LARP4: variants seen among roughly 807,000 people sequenced by gnomAD.
LARP4 encodes La ribonucleoprotein 4, also known as la-related protein 4.
A neutral mutation model predicts 92.9 loss-of-function variants in LARP4; 29 were observed. That is an observed-to-expected ratio of 0.31 (90% confidence interval 0.23 to 0.43). The LOEUF (loss-of-function observed/expected upper bound fraction) is 0.43, where lower values mean the gene tolerates loss of function less well. Ranked by LOEUF, LARP4 falls within the 20% of genes least tolerant of loss-of-function variation. The pLI is 1.00. For synonymous variants in LARP4, 279 were observed against 284.1 expected (o/e 0.98, Z 0.18); for missense variants, 732 against 860.0 (o/e 0.85, Z 1.86).
chr12:50,464,735 C>T (rs942600246), intron 12 of LARP4, among the ~76,000 whole-genome samples: 44 of 150,998 alleles, frequency 2.9e-4, no homozygotes, highest in African/African-American at 1.0e-3. Flanking sequence ...TTGTTGTCCA[C>T]GTTGGAGTGC....
rs189386792 is a variant in LARP4, at chr12:50,400,987, C to G, written c.-24C>G. Reference sequence around the variant, plus strand: ...CCAGTTGGAGTTGCGGCGGCGGGAACGATTGGGCTGAGCAGAGGACGACAT... The same window carrying G: ...CCAGTTGGAGTTGCGGCGGCGGGAAGGATTGGGCTGAGCAGAGGACGACAT... On this transcript the variant is annotated 5_prime_UTR_variant, in exon 1 of 16. Transcript: ENST00000398473. The G allele has an allele frequency of 6.8e-6, 11 of 1,614,036 alleles. No homozygotes were observed. In the African/African-American group the frequency reaches 1.2e-4, roughly 18 times the overall value.
At chr12:50,415,695 T>A (rs1946646795) in intron 1 of LARP4, 1 of 145,328 alleles carries the variant, frequency 6.9e-6, no homozygotes, top group African/African-American at 2.5e-5. Flanking sequence ...TTCTTTTTTT[T>A]GTTTTTTTTT....
chr12:50,426,707 GTGTGTGTGTGTGTGTGTGTGTGTGGT>G (rs1565986635), intron 1 of LARP4, among the ~76,000 whole-genome samples: 1 of 138,992 alleles, frequency 7.2e-6, no homozygotes, highest in Non-Finnish European at 1.5e-5. Flanking sequence ...GTGTGTGTGT[GTGTGTGTGTGTGTGTGTGTGTGTGGT>G]TTTTTTTTTT....
At chr12:50,413,222 C>CA (rs59345865) in intron 1 of LARP4, among the ~76,000 whole-genome samples, 2,285 of 138,988 alleles carry the variant, frequency 0.016, 69 homozygotes, top group African/African-American at 0.059. Flanking sequence ...GACTGTGTCT[C>CA]AAAAAAAAAA....
chr12:50,401,176 G>T (rs1943746549), intron 1 of LARP4, 148 bp downstream of exon 1: 1 of 837,506 alleles, frequency 1.2e-6, no homozygotes. Context: ...GAGCAGGCCT[G>T]CAGCTTCCCT....
In LARP4 at chr12:50,428,944, A is replaced by G; in HGVS notation, c.176A>G (p.Glu59Gly). ...TCTGTCTTTAATACAGGTAATGCAG[A>G]GCTCTCAGAAGATATATGTAAAGAA... ...TSGAHPEGNA[E>G]LSEDICKEYE... Residue 59 changes from glutamate (E) to glycine (G), a missense_variant, in exon 3 of 16, where the codon GAG becomes GGG. By Grantham distance (98) the Glu-to-Gly change is moderately conservative. This residue lies in a region of LARP4 where 236 missense variants were observed against 307.6 expected (regional missense o/e 0.77). Coordinates refer to ENST00000398473, the MANE Select transcript of LARP4 (RefSeq NM_052879.5). The G allele has an allele frequency of 1.3e-6, 2 of 1,589,550 alleles. No homozygotes were observed. The highest frequency in any genetic ancestry group is 1.7e-6 in the Non-Finnish European group (2 of 1,167,918).
At chr12:50,431,297 G>T (rs1225530673) in intron 4 of LARP4, among the ~76,000 whole-genome samples, 3 of 151,966 alleles carry the variant, frequency 2.0e-5, no homozygotes, top group East Asian at 3.9e-4. Flanking sequence ...TCTCCAGTCT[G>T]ATATGCAGAG....
In LARP4 at chr12:50,457,944, T is replaced by A. The variant is rs1954624031; in HGVS notation, c.1122-3191T>A. Among the ~76,000 whole-genome samples, 5 of 151,940 alleles carry A rather than the reference T, an allele frequency of 3.3e-5. No homozygotes were observed. In the South Asian group the frequency reaches 8.3e-4, roughly 25 times the overall value. ...GTGAAACTCAACCCAACTTTTTTTT[T>A]TTTTTTTAAGACAGTGTTTTGCCCT... On this transcript the variant is annotated intron_variant, in intron 10 of 15. Coordinates refer to ENST00000398473, the MANE Select transcript of LARP4 (RefSeq NM_052879.5).
rs140500299 is a variant in LARP4 at position 50,425,604 on chromosome 12, G to A, written c.19-2158G>A. Among the ~76,000 whole-genome samples the A allele has an allele frequency of 6.2e-4, 95 of 152,186 alleles. 4 individuals carry two copies. The East Asian group carries it at 0.018, about 28-fold the overall frequency. On this transcript the variant is annotated intron_variant, in intron 1 of 15. Transcript: ENST00000398473. ...AGAGCTTGAGTTTATCACCCTTAGG[G>A]GTGGTCTTCAGCATCTTCATCATCT...
intron 5 of LARP4, among the ~76,000 whole-genome samples, chr12:50,436,643 C>CT (rs1950504999): frequency 6.6e-6 from 1 of 152,138 alleles, no homozygotes; most frequent in South Asian, 2.1e-4. Context: ...TTGATTGAAG[C>CT]TTTAAGAATT....
At chr12:50,423,606 G>C (rs559218822) in intron 1 of LARP4, among the ~76,000 whole-genome samples, 2 of 151,110 alleles carry the variant, frequency 1.3e-5, no homozygotes, top group African/African-American at 4.9e-5. Context: ...AGGCCACCAC[G>C]CCCGGCTAAT....
At chr12:50,453,286 G>GT (rs1054626529) in intron 8 of LARP4, among the ~76,000 whole-genome samples, 174 bp from the exon 9 acceptor site, 1 of 151,638 alleles carries the variant, frequency 6.6e-6, no homozygotes, top group African/African-American at 2.4e-5. Context: ...CCATGAAAAC[G>GT]TTTTTATTAT....
rs545150019 is a variant in LARP4 at position 50,451,078 on chromosome 12, A to G, written c.805-2382A>G. Among the ~76,000 whole-genome samples, 20 of 152,302 alleles carry G rather than the reference A, an allele frequency of 1.3e-4. No homozygotes were observed. In the East Asian group the frequency reaches 3.7e-3, roughly 28 times the overall value. On this transcript the variant is annotated intron_variant, in intron 8 of 15. Coordinates refer to ENST00000398473, the MANE Select transcript of LARP4 (RefSeq NM_052879.5). Reference sequence around the variant, plus strand: ...CTAGTTGGCAAATCAAATTGTATACATGCCTTTTTGGTATTGCAAACATTT... The same window carrying G: ...CTAGTTGGCAAATCAAATTGTATACGTGCCTTTTTGGTATTGCAAACATTT...
chr12:50,403,649 T>C (rs1476076776), intron 1 of LARP4, among the ~76,000 whole-genome samples: 3 of 152,190 alleles, frequency 2.0e-5, no homozygotes, highest in African/African-American at 7.2e-5. Context: ...CTAAACCAAC[T>C]TGCTTGTGGA....
At chr12:50,425,943 A>T (rs1948638204) in intron 1 of LARP4, among the ~76,000 whole-genome samples, 1 of 152,126 alleles carries the variant, frequency 6.6e-6, no homozygotes, top group Non-Finnish European at 1.5e-5. Context: ...GGTTACAAAT[A>T]GAGGCTTCTT....
At chr12:50,451,611 G>A (rs763115606) in intron 8 of LARP4, among the ~76,000 whole-genome samples, 1 of 152,306 alleles carries the variant, frequency 6.6e-6, no homozygotes, top group Admixed American at 6.5e-5. Flanking sequence ...GAGGCGGGTG[G>A]ATTGCCTGAG....
intron 13 of LARP4, among the ~76,000 whole-genome samples, chr12:50,469,924 GA>G (rs1170635294): frequency 1.3e-5 from 1 of 77,612 alleles, no homozygotes; most frequent in Admixed American, 1.3e-4. Flanking sequence ...AACAGAAAAA[GA>G]AAAAAAATAA....
chr12:50,439,173 A>G (rs528431388), intron 6 of LARP4, among the ~76,000 whole-genome samples: 1 of 152,140 alleles, frequency 6.6e-6, no homozygotes, highest in African/African-American at 2.4e-5. Context: ...CTCTGCGCTC[A>G]AGCAATCTGT....
intron 1 of LARP4, among the ~76,000 whole-genome samples, chr12:50,426,725 GTGTGTGGTT>G (rs1948818594): frequency 1.5e-4 from 17 of 115,448 alleles, no homozygotes; most frequent in African/African-American, 6.8e-4. Context: ...GTGTGTGTGT[GTGTGTGGTT>G]TTTTTTTTTT....
Sources: gnomAD v4.1 joint callset for allele counts (sites outside exome capture counted in the v4.1 genomes callset) on GRCh38, gnomAD v4.1.1 for gene constraint, gnomAD v4.1.1 regional missense constraint, MANE v1.5 for transcripts, NCBI Gene and HGNC (gene_info 2026-07-23, HGNC 2026-07-21) for gene names.